SPRR2G: variants seen among roughly 807,000 people sequenced by gnomAD.
SPRR2G encodes small proline rich protein 2G, also known as small proline-rich protein 2G.
In SPRR2G, 1 loss-of-function variant was observed where a neutral mutation model predicts 0.7. The observed-to-expected ratio is 1.49, with a 90% CI of 0.53 to 7.06. The LOEUF (loss-of-function observed/expected upper bound fraction) is 7.06. Ranked by LOEUF, SPRR2G falls within the 30% of genes most tolerant of loss-of-function variation. The probability of loss-of-function intolerance (pLI) is 0.14; values close to 1 mark genes in which losing one functional copy is unlikely to be tolerated. For missense variants in SPRR2G, 96 were observed against 88.5 expected, an observed-to-expected ratio of 1.09 and a Z score of -0.34; for synonymous variants, 38 against 33.9, an observed-to-expected ratio of 1.12 and a Z score of -0.42.
At chr1:153,172,762 A>C in the SPRR2G span, among the ~76,000 whole-genome samples, 1 of 152,208 alleles carries the variant, frequency 6.6e-6, no homozygotes, top group South Asian at 2.1e-4. Context: ...TGCCACCTTA[A>C]TCCTCTGAAG....
chr1:153,170,633 TAGAG>T, the SPRR2G span, among the ~76,000 whole-genome samples: 1 of 152,112 alleles, frequency 6.6e-6, no homozygotes, highest in African/African-American at 2.4e-5. Context: ...AAGGGCTTGA[TAGAG>T]AGATAAGAGA....
At chr1:153,178,962 G>A in the SPRR2G span, among the ~76,000 whole-genome samples, 1 of 152,148 alleles carries the variant, frequency 6.6e-6, no homozygotes, top group African/African-American at 2.4e-5. Context: ...TAATTTTAGA[G>A]ATTGTCTCAG....
At chr1:153,191,443 C>T in the SPRR2G span, 4 of 152,034 alleles carry the variant, frequency 2.6e-5, no homozygotes, top group East Asian at 7.7e-4. Context: ...TTATTAAGGA[C>T]CCTAAGTAGA....
the SPRR2G span, among the ~76,000 whole-genome samples, chr1:153,174,983 A>T: frequency 6.6e-6 from 1 of 152,226 alleles, no homozygotes; most frequent in Non-Finnish European, 1.5e-5. Context: ...AGAGTAAGGT[A>T]GACCTAACTG....
chr1:153,172,847 G>A, the SPRR2G span, among the ~76,000 whole-genome samples: 4 of 152,306 alleles, frequency 2.6e-5, 1 homozygote, highest in African/African-American at 9.6e-5. Flanking sequence ...GCTTGGGCTA[G>A]CCTTCATCTG....
chr1:153,183,018 G>A, the SPRR2G span, among the ~76,000 whole-genome samples: 13 of 150,528 alleles, frequency 8.6e-5, no homozygotes, highest in South Asian at 2.1e-3. Context: ...AAAAGTGTTC[G>A]TATATATCCA....
chr1:153,164,154 A>G, the SPRR2G span, among the ~76,000 whole-genome samples: 2 of 152,238 alleles, frequency 1.3e-5, no homozygotes, highest in Non-Finnish European at 2.9e-5. Context: ...ATAACAGAAA[A>G]TGTTATTTGG....
the SPRR2G span, among the ~76,000 whole-genome samples, chr1:153,183,770 T>A: frequency 6.6e-6 from 1 of 152,250 alleles, no homozygotes; most frequent in Non-Finnish European, 1.5e-5. Context: ...TTGCTTTTAG[T>A]GTTTCAGTCA....
At chr1:153,189,025 T>C in the SPRR2G span, among the ~76,000 whole-genome samples, 3,225 of 152,250 alleles carry the variant, frequency 0.021, 249 homozygotes, top group Admixed American at 0.15. Flanking sequence ...GGTACCTCAG[T>C]TGGAAATGCA....
At chr1:153,184,338 G>A in the SPRR2G span, among the ~76,000 whole-genome samples, 1 of 152,140 alleles carries the variant, frequency 6.6e-6, no homozygotes, top group Admixed American at 6.5e-5. Context: ...TCCTGTCCAT[G>A]AGCATGGAAG....
the SPRR2G span, among the ~76,000 whole-genome samples, chr1:153,182,188 A>C: frequency 6.6e-6 from 1 of 152,082 alleles, no homozygotes; most frequent in African/African-American, 2.4e-5. Context: ...AATTTTTCAT[A>C]TACTTGTTGG....
the SPRR2G span, among the ~76,000 whole-genome samples, chr1:153,166,789 T>C: frequency 7.2e-5 from 11 of 152,226 alleles, no homozygotes; most frequent in Non-Finnish European, 1.3e-4. Context: ...CAAAACTCTC[T>C]TGGGACAACT....
At chr1:153,164,273 C>T in the SPRR2G span, among the ~76,000 whole-genome samples, 1 of 152,154 alleles carries the variant, frequency 6.6e-6, no homozygotes, top group African/African-American at 2.4e-5. Context: ...GACTGATAGG[C>T]TGGCTCAGCA....
chr1:153,152,131 G>T (rs1656483664), upstream of SPRR2G, among the ~76,000 whole-genome samples: 1 of 151,986 alleles, frequency 6.6e-6, no homozygotes, highest in Non-Finnish European at 1.5e-5. Flanking sequence ...TTACATAGTG[G>T]GTCTTCTAAG....
chr1:153,165,207 CGGAT>C, the SPRR2G span, among the ~76,000 whole-genome samples: 1 of 149,508 alleles, frequency 6.7e-6, no homozygotes, highest in African/African-American at 2.5e-5. Flanking sequence ...GATGGACGGA[CGGAT>C]GGATGGATCA....
At chr1:153,196,493 A>T in the SPRR2G span, among the ~76,000 whole-genome samples, 28 of 152,180 alleles carry the variant, frequency 1.8e-4, no homozygotes, top group African/African-American at 6.5e-4. Context: ...CATCTTAGCT[A>T]AAGTTTGATT....
the SPRR2G span, among the ~76,000 whole-genome samples, chr1:153,169,628 T>C: frequency 5.3e-3 from 798 of 151,712 alleles, 11 homozygotes; most frequent in Middle Eastern, 0.021. Context: ...TGCACAGTGA[T>C]GACTTTCATG....
At chr1:153,185,709 C>T in the SPRR2G span, among the ~76,000 whole-genome samples, 1 of 152,094 alleles carries the variant, frequency 6.6e-6, no homozygotes, top group Admixed American at 6.5e-5. Context: ...ATGTCTCTAT[C>T]TCCTTCAGTT....
chr1:153,174,315 G>C, the SPRR2G span, among the ~76,000 whole-genome samples: 4 of 152,168 alleles, frequency 2.6e-5, no homozygotes, highest in South Asian at 2.1e-4. Flanking sequence ...ACAGAAAAAG[G>C]GTTTATTAAA....
Sources: allele counts gnomAD v4.1 joint callset (sites outside exome capture counted in the v4.1 genomes callset), GRCh38; gene constraint gnomAD v4.1.1; transcripts MANE v1.5; gene names NCBI Gene and HGNC (gene_info 2026-07-23, HGNC 2026-07-21).